Variants in RERE observed in about 807,000 individuals in gnomAD.
The protein encoded by RERE is arginine-glutamic acid dipeptide repeats, also known as arginine-glutamic acid dipeptide repeats protein.
RERE carries 40 observed loss-of-function variants against 146.1 expected under a neutral mutation model. That is an observed-to-expected ratio of 0.27 (90% confidence interval 0.21 to 0.36). RERE has a LOEUF of 0.36. Among genes scored for constraint, RERE ranks in the 10% least tolerant of loss-of-function variants. RERE has a pLI of 1.00. For synonymous variants in RERE, 1,003 were observed against 866.0 expected (o/e 1.16, Z -2.78); for missense variants, 1,933 against 2,138.7 (o/e 0.90, Z 1.90).
At chr1:8,770,206 T>C (rs568553869) in intron 1 of RERE, among the ~76,000 whole-genome samples, 1 of 152,320 alleles carries the variant, frequency 6.6e-6, no homozygotes, top group Non-Finnish European at 1.5e-5. Flanking sequence ...ACACAGTGTT[T>C]TCACCTGTAA....
At chr1:8,449,916 C>A (rs1373534676) in intron 11 of RERE, among the ~76,000 whole-genome samples, 1 of 152,194 alleles carries the variant, frequency 6.6e-6, no homozygotes, top group East Asian at 1.9e-4. Flanking sequence ...GCTGCTTCTA[C>A]CCTGAAGGAG....
At chr1:8,361,679 C>T (rs1325688775) in intron 17 of RERE, 84 bp downstream of exon 17, 25 of 1,356,984 alleles carry the variant, frequency 1.8e-5, no homozygotes, top group South Asian at 6.1e-5. Flanking sequence ...AGACAGGGCA[C>T]GGCCACCAAC....
chr1:8,707,555 A>C (rs1230466032), intron 1 of RERE, among the ~76,000 whole-genome samples: 1 of 152,224 alleles, frequency 6.6e-6, no homozygotes, highest in Non-Finnish European at 1.5e-5. Context: ...ATGAAAGTTT[A>C]AACAGTAGCA....
Position 8,498,732 on chromosome 1 carries a change from TACACACAC to T in RERE, c.880-1211_880-1204del, listed in dbSNP as rs1553175300. ...AAATAAAAAAAAAAAAATAAATATA[TACACACAC>T]ACACACACACACACACACACACACA... On this transcript the variant is annotated intron_variant, in intron 8 of 22. Transcript: ENST00000400908. Among the ~76,000 whole-genome samples the T allele has an allele frequency of 3.9e-4, 42 of 107,834 alleles. 1 individual carries two copies. Among genetic ancestry groups the T allele is most frequent in the South Asian group, 9.7e-4 (3 of 3,078 alleles). The allele number at this position is 107,834 out of a possible 152,430, so 70.7% of individuals were successfully genotyped here. A position where few individuals can be genotyped will look rare whatever the true frequency, so the allele number is the denominator to read the frequency against.
At chr1:8,475,838 C>T (rs1310517514) in intron 10 of RERE, among the ~76,000 whole-genome samples, 4 of 151,976 alleles carry the variant, frequency 2.6e-5, no homozygotes, top group South Asian at 2.1e-4. Context: ...AAACTAAGAG[C>T]ACAATATTTA....
At chr1:8,587,854 G>C (rs1341399998) in intron 4 of RERE, among the ~76,000 whole-genome samples, 1 of 152,124 alleles carries the variant, frequency 6.6e-6, no homozygotes, top group African/African-American at 2.4e-5. Context: ...CACCTTAAAA[G>C]CTCGTACTTT....
intron 2 of RERE, among the ~76,000 whole-genome samples, chr1:8,629,807 G>A (rs917252905): frequency 5.3e-5 from 8 of 152,100 alleles, no homozygotes; most frequent in Non-Finnish European, 7.4e-5. Flanking sequence ...ATGTGTCTCC[G>A]CCTATTAATC....
intron 4 of RERE, among the ~76,000 whole-genome samples, chr1:8,560,533 T>C (rs1646065469): frequency 6.6e-6 from 1 of 152,170 alleles, no homozygotes; most frequent in East Asian, 1.9e-4. Context: ...CAATCTCAAT[T>C]CCATGACTTC....
At chr1:8,700,822 C>T (rs950076507) in intron 1 of RERE, among the ~76,000 whole-genome samples, 2 of 152,120 alleles carry the variant, frequency 1.3e-5, no homozygotes, top group African/African-American at 4.8e-5. Flanking sequence ...ATCGGCTTCT[C>T]AGCCTACACA....
intron 6 of RERE, among the ~76,000 whole-genome samples, chr1:8,549,934 T>C (rs1645913534): frequency 6.6e-6 from 1 of 152,148 alleles, no homozygotes; most frequent in Non-Finnish European, 1.5e-5. Flanking sequence ...TGGAGAACCA[T>C]TACACACTGC....
chr1:8,486,152 G>A (rs1644895935), intron 10 of RERE, among the ~76,000 whole-genome samples: 1 of 151,850 alleles, frequency 6.6e-6, no homozygotes, highest in African/African-American at 2.4e-5. Context: ...ACAACTAGGT[G>A]ATAAAAAAAA....
chr1:8,775,394 A>G (rs1221986533), intron 1 of RERE, among the ~76,000 whole-genome samples: 1 of 152,218 alleles, frequency 6.6e-6, no homozygotes, highest in Non-Finnish European at 1.5e-5. Flanking sequence ...CAAGAAAGTA[A>G]GACCCTGACC....
At chr1:8,362,047 G>A (rs536296154) in intron 16 of RERE, among the ~76,000 whole-genome samples, 171 bp from the exon 17 acceptor site, 1 of 152,324 alleles carries the variant, frequency 6.6e-6, no homozygotes, top group African/African-American at 2.4e-5. Flanking sequence ...ACGTATCTGG[G>A]GGTGGGAATG....
intron 7 of RERE, among the ~76,000 whole-genome samples, chr1:8,533,605 T>C (rs1031685703): frequency 2.0e-5 from 3 of 152,230 alleles, no homozygotes; most frequent in Admixed American, 2.0e-4. Flanking sequence ...AGTTCTCATA[T>C]TCTGAAGGGC....
In RERE at chr1:8,442,552, C is replaced by T. The variant is rs1453937537; in HGVS notation, c.1204-19745G>A. ...GCCAGCACCGTGCTTGTACAGCCTG[C>T]AGAATTGTGGGCCAATTAAACCTCT... On this transcript the variant is annotated intron_variant, in intron 11 of 22. Transcript: ENST00000400908. Among the ~76,000 whole-genome samples the T allele has an allele frequency of 1.3e-5, 2 of 152,300 alleles. 1 individual carries two copies. Among genetic ancestry groups the T allele is most frequent in the South Asian group, 4.1e-4 (2 of 4,826 alleles).
rs771894498 is a variant in RERE, at chr1:8,360,166, G to A, written c.3341C>T (p.Pro1114Leu). The change falls in exon 18 of 23, where the codon CCG becomes CTG. Residue 1114 changes from proline to leucine, a missense_variant. Physicochemically the swap from Pro to Leu is moderately conservative, Grantham distance 98. This residue lies in a region of RERE where 1,255 missense variants were observed against 1,153.8 expected (regional missense o/e 1.09). Coordinates refer to ENST00000400908, the MANE Select transcript of RERE (RefSeq NM_001042681.2). Reference protein sequence around the residue: ...PESPPPPPRSPSPEPTVVDTP... With the variant: ...PESPPPPPRSLSPEPTVVDTP... Reference sequence around the variant, plus strand: ...GTCCACCACAGTGGGCTCCGGGGACGGGCTCCTTGGTGGGGGAGGGGGGCT... The same window carrying A: ...GTCCACCACAGTGGGCTCCGGGGACAGGCTCCTTGGTGGGGGAGGGGGGCT... 2.1e-5 allele frequency: 33 copies of A among 1,599,028 alleles called. 1 individual carries two copies. The South Asian group carries it at 2.2e-4, about 11-fold the overall frequency.
intron 1 of RERE, among the ~76,000 whole-genome samples, chr1:8,784,422 A>C (rs1433771979): frequency 1.3e-5 from 2 of 152,182 alleles, no homozygotes; most frequent in African/African-American, 4.8e-5. Flanking sequence ...ATTCCATAGA[A>C]TATAAGCTCC....
chr1:8,411,603 G>C (rs572835575), intron 12 of RERE, among the ~76,000 whole-genome samples: 1 of 152,170 alleles, frequency 6.6e-6, no homozygotes, highest in African/African-American at 2.4e-5. Flanking sequence ...CCATCTACCA[G>C]GTGATACTAC....
At chr1:8,537,804 C>T (rs768612420) in intron 7 of RERE, among the ~76,000 whole-genome samples, 3 of 150,796 alleles carry the variant, frequency 2.0e-5, no homozygotes, top group Non-Finnish European at 4.4e-5. Flanking sequence ...CCATCAGGAA[C>T]AAAAAAAATC....
Sources: allele counts gnomAD v4.1 joint callset (sites outside exome capture counted in the v4.1 genomes callset), GRCh38; gene constraint gnomAD v4.1.1; regional missense constraint gnomAD v4.1.1; transcripts MANE v1.5; gene names NCBI Gene and HGNC (gene_info 2026-07-23, HGNC 2026-07-21).